The following CUX2 variants were observed in gnomAD, a reference collection of about 807,000 sequenced individuals.
CUX2 encodes the protein homeobox protein cut-like 2.
CUX2 carries 40 observed loss-of-function variants against 144.8 expected under a neutral mutation model. That is an observed-to-expected ratio of 0.28 (90% CI 0.21 to 0.36). The LOEUF (loss-of-function observed/expected upper bound fraction) is 0.36. Among genes scored for constraint, CUX2 ranks in the 10% least tolerant of loss-of-function variants. CUX2 has a pLI of 1.00. For synonymous variants in CUX2, 827 were observed against 875.6 expected (o/e 0.94, Z 0.98); for missense variants, 1,615 against 1,994.0 (o/e 0.81, Z 3.62).
chr12:111,333,598 A>G (rs901882984), intron 18 of CUX2, among the ~76,000 whole-genome samples: 33 of 152,096 alleles, frequency 2.2e-4, no homozygotes, highest in African/African-American at 7.7e-4. Context: ...CGGGCTGTGT[A>G]CTTGGGGCTG....
chr12:111,093,122 A>C (rs1423556344), intron 1 of CUX2, among the ~76,000 whole-genome samples: 1 of 152,182 alleles, frequency 6.6e-6, no homozygotes, highest in Non-Finnish European at 1.5e-5. Flanking sequence ...GGCCAGGCCC[A>C]ACAGATTTAA....
intron 1 of CUX2, among the ~76,000 whole-genome samples, chr12:111,051,279 T>C (rs190981062): frequency 6.9e-4 from 105 of 152,272 alleles, no homozygotes; most frequent in African/African-American, 2.3e-3. Flanking sequence ...AGTCTTCTAT[T>C]TTCTTGTTGA....
chr12:111,108,169 T>C (rs1245044729), intron 1 of CUX2, among the ~76,000 whole-genome samples: 1 of 152,232 alleles, frequency 6.6e-6, no homozygotes, highest in African/African-American at 2.4e-5. Context: ...GCAGGGTGTT[T>C]ACTTATGATT....
chr12:111,072,736 A>G (rs1871301522), intron 1 of CUX2, among the ~76,000 whole-genome samples: 1 of 152,316 alleles, frequency 6.6e-6, no homozygotes, highest in East Asian at 1.9e-4. Context: ...GCTTGTTTAC[A>G]GTCTCTGGTT....
At chr12:111,156,942 T>C (rs1263022660) in intron 1 of CUX2, among the ~76,000 whole-genome samples, 5 of 125,964 alleles carry the variant, frequency 4.0e-5, no homozygotes, top group Non-Finnish European at 7.7e-5. Context: ...GCCAAGATTG[T>C]GCCACTGCAC....
In CUX2 at chr12:111,322,287, C is replaced by T. The variant is rs180798440; in HGVS notation, c.2767-134C>T. ...GAGCTGAGATGGTGCCACTGCACTCCATCCTGGGCGACAGACAAAGCGAGA... is the reference window on the plus strand; with the variant it reads ...GAGCTGAGATGGTGCCACTGCACTCTATCCTGGGCGACAGACAAAGCGAGA... On this transcript the variant is annotated intron_variant, in intron 17 of 21. Coordinates refer to ENST00000261726, the MANE Select transcript of CUX2 (RefSeq NM_015267.4). The surrounding 1 kb of genome is among the most constrained non-coding windows in gnomAD (Gnocchi z 4.2). 572 of 988,892 alleles carry T rather than the reference C, an allele frequency of 5.8e-4. No individual in the cohort carries two copies. The highest frequency in any genetic ancestry group is 7.6e-4 in the Non-Finnish European group (532 of 702,362). 61.3% of individuals were successfully genotyped at this position (988,892 alleles called of 1,614,324 possible). A position where few individuals can be genotyped will look rare whatever the true frequency, so the allele number is the denominator to read the frequency against.
chr12:111,067,262 T>C (rs1871057836), intron 1 of CUX2, among the ~76,000 whole-genome samples: 3 of 152,204 alleles, frequency 2.0e-5, no homozygotes, highest in Admixed American at 2.0e-4. Flanking sequence ...GTCACATGAC[T>C]TAAGCTGGGC....
intron 1 of CUX2, among the ~76,000 whole-genome samples, chr12:111,141,699 C>T (rs1271153015): frequency 6.6e-6 from 1 of 152,192 alleles, no homozygotes; most frequent in East Asian, 1.9e-4. Flanking sequence ...AGTCATGTGT[C>T]CCCCAGTGAA....
chr12:111,069,537 T>C (rs992457897), intron 1 of CUX2, among the ~76,000 whole-genome samples: 8 of 134,808 alleles, frequency 5.9e-5, no homozygotes, highest in African/African-American at 2.8e-4. Flanking sequence ...TGTGTGTGTG[T>C]GTGTGTGTGT....
chr12:111,191,806 G>T (rs1044783788), intron 1 of CUX2, among the ~76,000 whole-genome samples: 2 of 152,104 alleles, frequency 1.3e-5, no homozygotes, highest in Non-Finnish European at 2.9e-5. Context: ...CCCCCACTTT[G>T]TTCATGCCCA....
intron 8 of CUX2, 111 bp from the exon 9 acceptor site, chr12:111,298,430 C>T: frequency 9.1e-7 from 1 of 1,103,884 alleles, no homozygotes; most frequent in Non-Finnish European, 1.3e-6. Context: ...TCTCCTGTAG[C>T]AAGGCCTTCA....
At chr12:111,141,626 G>T (rs973499077) in intron 1 of CUX2, among the ~76,000 whole-genome samples, 2 of 152,166 alleles carry the variant, frequency 1.3e-5, no homozygotes, top group African/African-American at 4.8e-5. Context: ...CAGCAAGTAA[G>T]TAGAGCCAGG....
At chr12:111,054,979 AG>A (rs1325017011) in intron 1 of CUX2, among the ~76,000 whole-genome samples, 2 of 152,174 alleles carry the variant, frequency 1.3e-5, no homozygotes, top group Non-Finnish European at 2.9e-5. Context: ...AGGCACAGAA[AG>A]GTTAAGTGAC....
chr12:111,283,207 G>T (rs1391730127), intron 4 of CUX2, among the ~76,000 whole-genome samples: 1 of 150,332 alleles, frequency 6.7e-6, no homozygotes, highest in Admixed American at 6.6e-5. Context: ...GATGGAGTGA[G>T]ACTCTTGTCT....
At position 111,341,780 on chromosome 12, in the gene CUX2, C is replaced by T. The variant is rs753237343; in HGVS notation, c.3386C>T (p.Ala1129Val). The T allele has an allele frequency of 1.3e-6, 2 of 1,584,584 alleles. No individual in the cohort carries two copies. The highest frequency in any genetic ancestry group is 2.3e-5 in the South Asian group (2 of 88,200). The change falls in exon 21 of 22, where the codon GCC (alanine) becomes GTC (valine). Residue 1129 changes from alanine to valine, a missense_variant and splice_region_variant. Coordinates refer to ENST00000261726, the MANE Select transcript of CUX2 (RefSeq NM_015267.4). Reference protein sequence around the residue: ...LRDMKKLEKKAYLKRRYGLIS... With the variant: ...LRDMKKLEKKVYLKRRYGLIS... ...GCCCTCCCTCTCTTCCTGGCCCCAG[C>T]CTACCTGAAACGTCGCTATGGCCTC...
chr12:111,158,214 G>T (rs1877519013), intron 1 of CUX2, among the ~76,000 whole-genome samples: 1 of 152,168 alleles, frequency 6.6e-6, no homozygotes, highest in Non-Finnish European at 1.5e-5. Flanking sequence ...AAACAGGAAG[G>T]ACCTGGTAAG....
chr12:111,334,111 C>T lies in CUX2; in HGVS notation c.2927-330C>T, dbSNP rs561769823. On this transcript the variant is annotated intron_variant, in intron 18 of 21. Transcript: ENST00000261726. Reference sequence around the variant, plus strand: ...CTGAGGCAGGAGAATCGCTTGAACCCGGGAGGCGGAGGTTGCAGTGAGCCG... The same window carrying T: ...CTGAGGCAGGAGAATCGCTTGAACCTGGGAGGCGGAGGTTGCAGTGAGCCG... Among the ~76,000 whole-genome samples the T allele has an allele frequency of 9.9e-5, 15 of 151,198 alleles. No homozygotes were observed. The East Asian group carries it at 2.2e-3, about 22-fold the overall frequency.
chr12:111,114,019 C>T (rs913767495), intron 1 of CUX2, among the ~76,000 whole-genome samples: 1 of 152,202 alleles, frequency 6.6e-6, no homozygotes, highest in Non-Finnish European at 1.5e-5. Context: ...TTTGCAGTTT[C>T]TACCAGTTTC....
intron 1 of CUX2, among the ~76,000 whole-genome samples, chr12:111,206,298 C>T (rs1441332993): frequency 3.9e-5 from 6 of 152,206 alleles, no homozygotes; most frequent in Middle Eastern, 3.4e-3. Context: ...TGCCACTGCA[C>T]GCCAGGCTGG....
Sources: allele counts gnomAD v4.1 joint callset (sites outside exome capture counted in the v4.1 genomes callset), GRCh38; gene constraint gnomAD v4.1.1; non-coding constraint Gnocchi (gnomAD v3.1); transcripts MANE v1.5; gene names NCBI Gene and HGNC (gene_info 2026-07-23, HGNC 2026-07-21).